Variants in TIAM1 observed in about 807,000 individuals in gnomAD.
The protein encoded by TIAM1 is rho guanine nucleotide exchange factor TIAM1.
TIAM1 carries 65 observed loss-of-function variants against 163.5 expected under a neutral mutation model. The observed-to-expected ratio is 0.40, with a 90% CI of 0.33 to 0.49. The LOEUF (loss-of-function observed/expected upper bound fraction) is 0.49, where lower values mean the gene tolerates loss of function less well. Ranked by LOEUF, TIAM1 falls within the 20% of genes least tolerant of loss-of-function variation. The pLI, the probability that TIAM1 is intolerant of heterozygous loss-of-function variation, is 0.77. For missense variants in TIAM1, 1,789 were observed against 2,044.7 expected, an observed-to-expected ratio of 0.87 and a Z score of 2.41; for synonymous variants, 833 against 810.1, an observed-to-expected ratio of 1.03 and a Z score of -0.48.
intron 14 of TIAM1, 43 bp downstream of exon 14, chr21:31,186,958 G>A: frequency 6.5e-7 from 1 of 1,540,102 alleles, no homozygotes; most frequent in South Asian, 1.1e-5. Context: ...AAGCCCCAAA[G>A]GGCATTTAAG....
Position 31,118,856 on chromosome 21 carries a change from G to C in TIAM1, c.*1512C>G. Reference sequence around the variant, plus strand: ...GGGGGGAATACAGGGTGGGAACGCAGGAAAAGCAGGCAGAGGCACAAGAGC... The same window carrying C: ...GGGGGGAATACAGGGTGGGAACGCACGAAAAGCAGGCAGAGGCACAAGAGC... On this transcript the variant is annotated 3_prime_UTR_variant, in exon 28 of 28. Coordinates refer to ENST00000541036, the MANE Select transcript of TIAM1 (RefSeq NM_001353694.2). The C allele has an allele frequency of 2.9e-6, 1 of 339,006 alleles. No homozygotes were observed. The highest frequency in any genetic ancestry group is 5.8e-6 in the Non-Finnish European group (1 of 173,608). The allele number at this position is 339,006 out of a possible 1,614,324, so 21.0% of individuals were successfully genotyped here.
intron 2 of TIAM1, among the ~76,000 whole-genome samples, chr21:31,427,986 G>C (rs2043857496): frequency 6.6e-6 from 1 of 152,038 alleles, no homozygotes; most frequent in Non-Finnish European, 1.5e-5. Context: ...ACGCGGCCAG[G>C]CGCAGTGGCT....
chr21:31,233,775 A>T (rs1569078422), intron 6 of TIAM1, among the ~76,000 whole-genome samples: 1 of 152,086 alleles, frequency 6.6e-6, no homozygotes, highest in African/African-American at 2.4e-5. Flanking sequence ...GATCCCTCTC[A>T]CCCTCACCCA....
At chr21:31,427,494 T>G (rs1602253278) in intron 2 of TIAM1, among the ~76,000 whole-genome samples, 2 of 149,394 alleles carry the variant, frequency 1.3e-5, no homozygotes, top group Admixed American at 1.3e-4. Flanking sequence ...CTCAAAAAAA[T>G]AATAATAAAT....
chr21:31,529,247 T>TA (rs2047897806), intron 1 of TIAM1, among the ~76,000 whole-genome samples: 2 of 151,924 alleles, frequency 1.3e-5, no homozygotes, highest in African/African-American at 4.8e-5. Context: ...TTCAAACAGA[T>TA]ACTTGAGTCC....
At chr21:31,181,899 C>T (rs2085047962) in intron 15 of TIAM1, among the ~76,000 whole-genome samples, 1 of 149,148 alleles carries the variant, frequency 6.7e-6, no homozygotes, top group Non-Finnish European at 1.5e-5. Context: ...ATCCTCCTGA[C>T]TCAGCCTCCC....
intron 2 of TIAM1, among the ~76,000 whole-genome samples, chr21:31,311,738 AATAC>A (rs1196621086): frequency 1.3e-5 from 2 of 152,196 alleles, no homozygotes; most frequent in Non-Finnish European, 2.9e-5. Flanking sequence ...TGTGATAGTT[AATAC>A]TGAGTGTCAA....
At chr21:31,523,030 G>T (rs188735901) in intron 1 of TIAM1, among the ~76,000 whole-genome samples, 1 of 152,062 alleles carries the variant, frequency 6.6e-6, no homozygotes, top group African/African-American at 2.4e-5. Flanking sequence ...CATCATTCAC[G>T]GATTTCAACA....
intron 2 of TIAM1, among the ~76,000 whole-genome samples, chr21:31,305,138 A>C (rs1221650942): frequency 6.6e-6 from 1 of 152,234 alleles, no homozygotes; most frequent in Non-Finnish European, 1.5e-5. Context: ...TTTGCTCAAC[A>C]AAGATGTGCA....
chr21:31,267,704 G>A (rs1282504677), intron 3 of TIAM1, among the ~76,000 whole-genome samples: 1 of 151,812 alleles, frequency 6.6e-6, no homozygotes, highest in Admixed American at 6.6e-5. Flanking sequence ...ATTTGGGGAG[G>A]GCTATGGAGG....
chr21:31,359,430 G>A (rs958192906), intron 2 of TIAM1, among the ~76,000 whole-genome samples: 1 of 152,050 alleles, frequency 6.6e-6, no homozygotes, highest in Non-Finnish European at 1.5e-5. Context: ...CACAAGATTA[G>A]GTTGGCAGAA....
chr21:31,511,785 A>G (rs1054959657), intron 1 of TIAM1, among the ~76,000 whole-genome samples: 5 of 152,244 alleles, frequency 3.3e-5, no homozygotes, highest in Admixed American at 6.5e-5. Flanking sequence ...AATAATACAA[A>G]GGAAACATTC....
chr21:31,508,327 C>T (rs1255351572), intron 1 of TIAM1, among the ~76,000 whole-genome samples: 2 of 151,998 alleles, frequency 1.3e-5, no homozygotes, highest in Non-Finnish European at 2.9e-5. Flanking sequence ...TTCTACCTTT[C>T]CTTGGAGTGG....
rs796620890 is a variant in TIAM1, at chr21:31,164,850, A to G, written c.2991+112T>C. The G allele has an allele frequency of 9.5e-5, 101 of 1,062,456 alleles. No individual in the cohort carries two copies. In the African/African-American group the frequency reaches 1.2e-3, roughly 13 times the overall value. 65.8% of individuals were successfully genotyped at this position (1,062,456 alleles called of 1,614,324 possible). On this transcript the variant is annotated intron_variant, in intron 16 of 27. Coordinates refer to ENST00000541036, the MANE Select transcript of TIAM1 (RefSeq NM_001353694.2). The stretch of plus-strand genomic sequence containing the variant: ...ATTCAGCAACATCTCAGAAGCAAAA[A>G]CACTTCGTCCATGGAGAGGCCTGGT...
In TIAM1 at chr21:31,135,943, C is replaced by G. The variant is rs1044745396; in HGVS notation, c.3873G>C (p.Leu1291Phe). The change falls in exon 23 of 28, where the codon TTG (leucine) becomes TTC (phenylalanine). Residue 1291 changes from leucine (L) to phenylalanine (F), a missense_variant. Transcript: ENST00000541036. Reference protein sequence around the residue: ...SLGKWKKEPELAAFVFKTAVV... With the variant: ...SLGKWKKEPEFAAFVFKTAVV... Reference sequence around the variant, plus strand: ...TTTTCTGATACACACCGAATGCTGCCAACTCTGGTTCCTTTTTCCACTTGC... The same window carrying G: ...TTTTCTGATACACACCGAATGCTGCGAACTCTGGTTCCTTTTTCCACTTGC... The G allele has an allele frequency of 6.2e-7, 1 of 1,614,144 alleles. No individual in the cohort carries two copies. Among genetic ancestry groups the G allele is most frequent in the Non-Finnish European group, 8.5e-7 (1 of 1,180,004 alleles).
chr21:31,544,832 T>C (rs1406189038), intron 1 of TIAM1, among the ~76,000 whole-genome samples: 1 of 151,824 alleles, frequency 6.6e-6, no homozygotes, highest in Non-Finnish European at 1.5e-5. Context: ...GCTAACATGG[T>C]GAAACCCCAT....
chr21:31,494,042 G>C (rs921661365), intron 1 of TIAM1, among the ~76,000 whole-genome samples: 2 of 152,134 alleles, frequency 1.3e-5, no homozygotes, highest in Admixed American at 6.5e-5. Context: ...AGCCTCCCCA[G>C]TAGCTGGGAT....
rs773549003 is a variant in TIAM1 at position 31,124,595 on chromosome 21, G to C, written c.4233C>G (p.Ser1411=). The change falls in exon 27 of 28, where the codon TCC becomes TCG. Residue 1411 remains serine, a synonymous_variant. Coordinates refer to ENST00000541036, the MANE Select transcript of TIAM1 (RefSeq NM_001353694.2). ...QLLKTESLPS[S]QQYVPFGGKR... is the part of the protein sequence containing the mutation. ...TGCCTCCAAAAGGGACATATTGCTG[G>C]GATGAGGGAAGGCTCTCGGTTTTGA... The C allele has an allele frequency of 5.0e-6, 8 of 1,613,950 alleles. No individual in the cohort carries two copies. The highest frequency in any genetic ancestry group is 6.8e-6 in the Non-Finnish European group (8 of 1,179,926).
intron 6 of TIAM1, among the ~76,000 whole-genome samples, chr21:31,228,229 A>ATT (rs2088127894): frequency 2.0e-5 from 2 of 102,550 alleles, no homozygotes; most frequent in South Asian, 2.7e-4. Context: ...TTAAAAAAAA[A>ATT]AAAAAAAAAA....
Sources: allele counts gnomAD v4.1 joint callset (sites outside exome capture counted in the v4.1 genomes callset), GRCh38; gene constraint gnomAD v4.1.1; transcripts MANE v1.5; gene names NCBI Gene and HGNC (gene_info 2026-07-23, HGNC 2026-07-21).